CHLSN: variants seen among roughly 807,000 people sequenced by gnomAD.
The protein encoded by CHLSN is cholesin.
At chr7:1,040,922 C>G in the CHLSN span, among the ~76,000 whole-genome samples, 1 of 152,248 alleles carries the variant, frequency 6.6e-6, no homozygotes, top group Admixed American at 6.5e-5. Flanking sequence ...GCTGCAGCCG[C>G]GCTCCGTGAG....
At chr7:1,025,961 G>A in the CHLSN span, 1 of 152,304 alleles carries the variant, frequency 6.6e-6, no homozygotes, top group South Asian at 2.1e-4. Flanking sequence ...AGCAGCTCAA[G>A]CTTCAGCTGC....
At chr7:1,096,809 C>T in the CHLSN span, among the ~76,000 whole-genome samples, 60 of 152,256 alleles carry the variant, frequency 3.9e-4, no homozygotes, top group Non-Finnish European at 7.3e-4. This position sits in a 1 kb window ranked among gnomAD's most constrained non-coding sequence, Gnocchi z 4.6. Context: ...CCGCACCTCC[C>T]ACTCAGTGAG....
the CHLSN span, among the ~76,000 whole-genome samples, chr7:1,080,707 G>T: frequency 9.8e-5 from 15 of 152,358 alleles, no homozygotes; most frequent in Non-Finnish European, 2.2e-4. Context: ...CTCGGCTAAG[G>T]CACCCAGGCT....
chr7:987,016 C>T, the CHLSN span: 1 of 1,411,356 alleles, frequency 7.1e-7, no homozygotes, highest in Non-Finnish European at 9.3e-7. Context: ...ATCACCGGGG[C>T]ATCCATAGTG....
chr7:980,848 C>T, the CHLSN span, among the ~76,000 whole-genome samples: 199 of 152,098 alleles, frequency 1.3e-3, no homozygotes, highest in Admixed American at 2.1e-3. Context: ...CTATCACGCC[C>T]GGCTAATTTT....
chr7:1,086,034 G>A, the CHLSN span, among the ~76,000 whole-genome samples: 142 of 152,286 alleles, frequency 9.3e-4, 1 homozygote, highest in African/African-American at 3.1e-3. Context: ...AGAAGGCTGC[G>A]CTCCAAGACC....
chr7:992,870 C>G, the CHLSN span, among the ~76,000 whole-genome samples: 1 of 152,224 alleles, frequency 6.6e-6, no homozygotes, highest in South Asian at 2.1e-4. Flanking sequence ...ACAAATGCCC[C>G]GAGGCAGGCC....
the CHLSN span, among the ~76,000 whole-genome samples, chr7:1,036,745 G>A: frequency 6.7e-6 from 1 of 149,214 alleles, no homozygotes; most frequent in Non-Finnish European, 1.5e-5. Flanking sequence ...GGATCGGGGT[G>A]GGGAGACCAA....
chr7:1,092,712 G>T, the CHLSN span: 1 of 1,613,500 alleles, frequency 6.2e-7, no homozygotes, highest in Non-Finnish European at 8.5e-7. Flanking sequence ...GCTTTCTCGG[G>T]GAGACCTTCA....
the CHLSN span, among the ~76,000 whole-genome samples, chr7:1,082,428 T>C: frequency 1.2e-4 from 19 of 152,192 alleles, no homozygotes; most frequent in African/African-American, 4.3e-4. Context: ...ACAGTCTTCA[T>C]GGGCCGTTGG....
the CHLSN span, among the ~76,000 whole-genome samples, chr7:1,070,275 G>A: frequency 0.017 from 2,397 of 140,074 alleles, 47 homozygotes; most frequent in African/African-American, 0.061. Flanking sequence ...TCAGCCCCCC[G>A]CCCGGCCAGC....
At chr7:978,295 A>G in the CHLSN span, among the ~76,000 whole-genome samples, 7 of 152,178 alleles carry the variant, frequency 4.6e-5, no homozygotes, top group Non-Finnish European at 8.8e-5. Context: ...AGGTGGGCGG[A>G]CCACTTGAGC....
chr7:988,137 G>C, the CHLSN span: 1 of 1,029,244 alleles, frequency 9.7e-7, no homozygotes, highest in Non-Finnish European at 1.4e-6. Context: ...CCCTGGGTTT[G>C]GGTGCCTCAC....
the CHLSN span, chr7:1,077,707 T>C: frequency 2.6e-5 from 4 of 152,322 alleles, no homozygotes; most frequent in East Asian, 1.9e-4. Flanking sequence ...CTTACGTGCA[T>C]TGAGTGTGGT....
the CHLSN span, among the ~76,000 whole-genome samples, chr7:1,007,315 C>A: frequency 1.3e-5 from 2 of 152,240 alleles, no homozygotes; most frequent in African/African-American, 2.4e-5. Flanking sequence ...CAGTCCAGGG[C>A]CTCTGCAGGG....
chr7:1,094,826 A>G, the CHLSN span, among the ~76,000 whole-genome samples: 1 of 152,118 alleles, frequency 6.6e-6, no homozygotes, highest in Non-Finnish European at 1.5e-5. Flanking sequence ...TGTATTCTCC[A>G]TGACCCCAGC....
At chr7:1,071,679 G>A in the CHLSN span, among the ~76,000 whole-genome samples, 1 of 152,184 alleles carries the variant, frequency 6.6e-6, no homozygotes, top group Non-Finnish European at 1.5e-5. Context: ...GGGGTCAGGA[G>A]GGCACCGTCG....
the CHLSN span, among the ~76,000 whole-genome samples, chr7:1,106,077 C>T: frequency 1.1e-4 from 16 of 152,094 alleles, no homozygotes; most frequent in Middle Eastern, 3.2e-3. Context: ...AGGAAACGAA[C>T]GGGAAATGCA....
At chr7:1,065,527 A>C in the CHLSN span, among the ~76,000 whole-genome samples, 2 of 152,338 alleles carry the variant, frequency 1.3e-5, no homozygotes, top group South Asian at 4.1e-4. Flanking sequence ...GGTGAACCTC[A>C]CAAAACATGC....
Sources: gnomAD v4.1 joint callset for allele counts (sites outside exome capture counted in the v4.1 genomes callset) on GRCh38, gnomAD v4.1.1 for gene constraint, Gnocchi (gnomAD v3.1) non-coding constraint, MANE v1.5 for transcripts, NCBI Gene and HGNC (gene_info 2026-07-23, HGNC 2026-07-21) for gene names.